Variants in UNC5C observed in about 807,000 individuals in gnomAD.
UNC5C encodes unc-5 netrin receptor C, also known as netrin receptor UNC5C.
Under a neutral mutation model 99.8 loss-of-function variants are expected in UNC5C, and 47 were observed. The observed-to-expected ratio is 0.47, with a 90% confidence interval of 0.37 to 0.60. The LOEUF (loss-of-function observed/expected upper bound fraction) is 0.60, where lower values mean the gene tolerates loss of function less well. Among genes scored for constraint, UNC5C ranks in the 20% least tolerant of loss-of-function variants. The pLI is 0.00. For missense variants in UNC5C, 1,062 were observed against 1,165.9 expected, an observed-to-expected ratio of 0.91 and a Z score of 1.30; for synonymous variants, 487 against 452.2, an observed-to-expected ratio of 1.08 and a Z score of -0.98.
chr4:95,435,158 T>C (rs1746740248), intron 1 of UNC5C, among the ~76,000 whole-genome samples: 1 of 152,162 alleles, frequency 6.6e-6, no homozygotes. Context: ...TGTTGCATGA[T>C]TACTAAGTGG....
chr4:95,278,189 G>A (rs1740928326), intron 4 of UNC5C, 70 bp downstream of exon 4: 1 of 1,264,328 alleles, frequency 7.9e-7, no homozygotes. Context: ...TGCACCATTA[G>A]CCATGGATTA....
rs9760432 is a variant in UNC5C, at chr4:95,176,436, T to G, written c.2452-6104A>C. Reference sequence around the variant, plus strand: ...ATGGGTTTTTGGTGTGGATGTCCTTTCTGTTTGTTAGTTTTCCTTCTAACA... The same window carrying G: ...ATGGGTTTTTGGTGTGGATGTCCTTGCTGTTTGTTAGTTTTCCTTCTAACA... On this transcript the variant is annotated intron_variant, in intron 14 of 15. Transcript: ENST00000453304. Among the ~76,000 whole-genome samples, 504 of 152,264 alleles carry G rather than the reference T, an allele frequency of 3.3e-3. 2 individuals carry two copies. Among genetic ancestry groups the G allele is most frequent in the African/African-American group, 0.012 (478 of 41,538 alleles).
intron 1 of UNC5C, among the ~76,000 whole-genome samples, chr4:95,369,206 A>C (rs1387263692): frequency 6.6e-6 from 1 of 152,012 alleles, no homozygotes; most frequent in East Asian, 1.9e-4. Flanking sequence ...TTTGGTGCTA[A>C]ATTTTTACCA....
chr4:95,489,355 T>TAAGTTGG (rs1444575515), intron 1 of UNC5C, among the ~76,000 whole-genome samples: 7 of 151,390 alleles, frequency 4.6e-5, no homozygotes, highest in Non-Finnish European at 7.4e-5. Flanking sequence ...TCAGTGATAG[T>TAAGTTGG]GATTGCGGCA....
At chr4:95,213,900 C>CA (rs1276786264) in intron 10 of UNC5C, among the ~76,000 whole-genome samples, 1 of 152,120 alleles carries the variant, frequency 6.6e-6, no homozygotes, top group Non-Finnish European at 1.5e-5. Flanking sequence ...TGCATTGGTG[C>CA]AATGGAGGAG....
chr4:95,524,889 G>A (rs1722458557), intron 1 of UNC5C, among the ~76,000 whole-genome samples: 1 of 152,170 alleles, frequency 6.6e-6, no homozygotes, highest in African/African-American at 2.4e-5. Flanking sequence ...TGAGCTCTAT[G>A]GGGGTCTGTT....
chr4:95,356,084 G>A (rs1020866038), intron 1 of UNC5C, among the ~76,000 whole-genome samples: 1 of 151,222 alleles, frequency 6.6e-6, no homozygotes, highest in African/African-American at 2.4e-5. Context: ...CAGCTACTCA[G>A]GAGGCTGAGG....
chr4:95,414,418 C>T (rs1035848146), intron 1 of UNC5C, among the ~76,000 whole-genome samples: 39 of 152,318 alleles, frequency 2.6e-4, no homozygotes, highest in South Asian at 2.1e-4. Context: ...GTAGGCCACT[C>T]GGGTGGCTTT....
intron 4 of UNC5C, among the ~76,000 whole-genome samples, chr4:95,269,821 T>A (rs1212182316): frequency 6.6e-6 from 1 of 152,076 alleles, no homozygotes; most frequent in Non-Finnish European, 1.5e-5. Flanking sequence ...CAAGTGATTC[T>A]CCTGCCTCAG....
intron 7 of UNC5C, among the ~76,000 whole-genome samples, chr4:95,239,156 A>G (rs1739235694): frequency 1.3e-5 from 2 of 152,152 alleles, no homozygotes; most frequent in African/African-American, 4.8e-5. Flanking sequence ...TAGACTAATG[A>G]ACTTAGTTAT....
At position 95,219,040 on chromosome 4, in the gene UNC5C, T is replaced by C; in HGVS notation, c.1574A>G (p.Gln525Arg). Residue 525 changes from glutamine to arginine, a missense_variant, in exon 9 of 16, where the codon CAG (glutamine) becomes CGG (arginine). By Grantham distance (43) the Gln-to-Arg change is conservative (BLOSUM62 1). Coordinates refer to ENST00000453304, the MANE Select transcript of UNC5C (RefSeq NM_003728.4). ...LSLKNQSLAR[Q>R]TDPSCTAFGS... Reference sequence around the variant, plus strand: ...AAATGCGGTACAGGATGGATCAGTCTGCCTTGCTAGACTCTGGTTCTTCAG... The same window carrying C: ...AAATGCGGTACAGGATGGATCAGTCCGCCTTGCTAGACTCTGGTTCTTCAG... 1.9e-6 allele frequency: 3 copies of C among 1,614,214 alleles called. No individual in the cohort carries two copies. The highest frequency in any genetic ancestry group is 2.5e-6 in the Non-Finnish European group (3 of 1,180,032).
intron 1 of UNC5C, among the ~76,000 whole-genome samples, chr4:95,465,279 G>A (rs575490233): frequency 2.8e-4 from 43 of 152,240 alleles, no homozygotes; most frequent in Admixed American, 1.5e-3. Flanking sequence ...AGCCTCTCAA[G>A]GTATATTGCA....
intron 2 of UNC5C, 72 bp from the exon 3 acceptor site, chr4:95,301,821 A>G: frequency 6.5e-7 from 1 of 1,530,230 alleles, no homozygotes; most frequent in Non-Finnish European, 8.8e-7. Flanking sequence ...ATCACATCAT[A>G]TTTTTCCCCC....
In UNC5C at chr4:95,431,486, AC is replaced by A. The variant is rs1746633386; in HGVS notation, c.125-95856del. Among the ~76,000 whole-genome samples the A allele has an allele frequency of 2.0e-5, 3 of 151,494 alleles. No individual in the cohort carries two copies. In the South Asian group the frequency reaches 6.2e-4, roughly 31 times the overall value. On this transcript the variant is annotated intron_variant, in intron 1 of 15. Transcript: ENST00000453304. ...ATATATTCTTAGGAAGGATAAAAAC[AC>A]AGATTGAGGCTACTTTTCCTTTCTT...
rs369517341 is a variant in UNC5C, at chr4:95,170,273, C to T, written c.2511G>A (p.Thr837=). 5.3e-5 allele frequency: 85 copies of T among 1,613,990 alleles called. No homozygotes were observed. The highest frequency in any genetic ancestry group is 6.7e-5 in the African/African-American group (5 of 74,894). Residue 837 remains threonine, a synonymous_variant, in exon 15 of 16, where the codon ACG becomes ACA. Transcript: ENST00000453304. The stretch of plus-strand genomic sequence containing the variant: ...GAGGGATGCTGAAAGCACTGGGCCC[C>T]GTGACCGTGGTGATGGTGTTCGCAG... ...LDPANTITTV[T]GPSAFSIPLP... is the part of the protein sequence containing the mutation.
In UNC5C at chr4:95,170,242, T is replaced by G. The variant is rs756857276; in HGVS notation, c.2542A>C (p.Ile848Leu). The G allele has an allele frequency of 1.9e-6, 3 of 1,613,952 alleles. No individual in the cohort carries two copies. In the East Asian group the frequency reaches 6.7e-5, roughly 36 times the overall value. ...GPSAFSIPLPIRQKLCSSLDA... is the reference protein window; with the variant it reads ...GPSAFSIPLPLRQKLCSSLDA... ...AGGCTGCTACAGAGCTTCTGCCGGATAGGGAGAGGGATGCTGAAAGCACTG... is the reference window on the plus strand; with the variant it reads ...AGGCTGCTACAGAGCTTCTGCCGGAGAGGGAGAGGGATGCTGAAAGCACTG... The change falls in exon 15 of 16, where the codon ATC becomes CTC. Residue 848 changes from isoleucine to leucine, a missense_variant. Ile to Leu is a conservative substitution (Grantham distance 5, BLOSUM62 2). Coordinates refer to ENST00000453304, the MANE Select transcript of UNC5C (RefSeq NM_003728.4).
intron 1 of UNC5C, among the ~76,000 whole-genome samples, chr4:95,467,958 G>A (rs1251774955): frequency 6.6e-6 from 1 of 152,038 alleles, no homozygotes; most frequent in Non-Finnish European, 1.5e-5. Flanking sequence ...TCATCATAAA[G>A]GTCTTCATTC....
chr4:95,534,226 G>T (rs1722720703), intron 1 of UNC5C, among the ~76,000 whole-genome samples: 1 of 152,120 alleles, frequency 6.6e-6, no homozygotes, highest in Non-Finnish European at 1.5e-5. Context: ...TCCTGTGGGG[G>T]TATCATCCTG....
At chr4:95,463,091 A>G (rs991690883) in intron 1 of UNC5C, among the ~76,000 whole-genome samples, 1 of 152,170 alleles carries the variant, frequency 6.6e-6, no homozygotes, top group African/African-American at 2.4e-5. Context: ...TCCACTAACT[A>G]AACACCGGGC....
Sources: allele counts gnomAD v4.1 joint callset (sites outside exome capture counted in the v4.1 genomes callset), GRCh38; gene constraint gnomAD v4.1.1; transcripts MANE v1.5; gene names NCBI Gene and HGNC (gene_info 2026-07-23, HGNC 2026-07-21).